The following SLIT2 variants were observed in gnomAD, a reference collection of about 807,000 sequenced individuals.
SLIT2 encodes slit homolog 2 protein.
Under a neutral mutation model 185.7 loss-of-function variants are expected in SLIT2, and 41 were observed. The ratio of observed to expected loss-of-function variants is 0.22; its 90% CI spans 0.17 to 0.29. The LOEUF (loss-of-function observed/expected upper bound fraction) is 0.29, where lower values mean the gene tolerates loss of function less well. Among genes scored for constraint, SLIT2 ranks in the 10% least tolerant of loss-of-function variants. SLIT2 has a pLI of 1.00. For missense variants in SLIT2, 1,571 were observed against 1,909.0 expected (o/e 0.82, Z 3.30); for synonymous variants, 693 against 680.2 (o/e 1.02, Z -0.29).
chr4:20,252,797 A>G lies in SLIT2; in HGVS notation c.-1019A>G, dbSNP rs1037938571. 7.3e-5 allele frequency among the ~76,000 whole-genome samples: 11 copies of G among 150,090 alleles called. No individual in the cohort carries two copies. Among genetic ancestry groups the G allele is most frequent in the Admixed American group, 4.6e-4 (7 of 15,100 alleles). ...ACCGAGCCATTCTCCAGTACGCCCC[A>G]GCAGGACGCTGACACCTCCAACCTT... On this transcript the variant is annotated 5_prime_UTR_variant, in exon 1 of 37. Coordinates refer to ENST00000504154, the MANE Select transcript of SLIT2 (RefSeq NM_004787.4).
At chr4:20,467,636 C>T (rs1714502754) in intron 4 of SLIT2, 116 bp from the exon 5 acceptor site, 1 of 533,678 alleles carries the variant, frequency 1.9e-6, no homozygotes, top group African/African-American at 2.0e-5. Context: ...TAATTATGAT[C>T]CTTTTAGGGT....
chr4:20,486,032 A>G (rs1431790708), intron 6 of SLIT2, among the ~76,000 whole-genome samples, 168 bp from the exon 7 acceptor site: 1 of 152,210 alleles, frequency 6.6e-6, no homozygotes, highest in Non-Finnish European at 1.5e-5. Flanking sequence ...ATGTTAAATT[A>G]TGAAATTATT....
chr4:20,522,914 T>C (rs1240585835), intron 12 of SLIT2, among the ~76,000 whole-genome samples: 2 of 152,002 alleles, frequency 1.3e-5, no homozygotes, highest in African/African-American at 2.4e-5. Context: ...GGCAGGCATA[T>C]AGATGACAGT....
intron 31 of SLIT2, 25 bp from the exon 32 acceptor site, chr4:20,596,390 A>ATT: frequency 6.3e-7 from 1 of 1,595,260 alleles, no homozygotes; most frequent in Non-Finnish European, 8.6e-7. Context: ...GTATTAACTA[A>ATT]TTTTTTTTTC....
chr4:20,609,580 G>C (rs1729050270), intron 33 of SLIT2, among the ~76,000 whole-genome samples: 1 of 152,182 alleles, frequency 6.6e-6, no homozygotes, highest in African/African-American at 2.4e-5. Flanking sequence ...GCAGAAGCCA[G>C]CAGTTGCCTA....
At chr4:20,282,148 A>G (rs753737463) in intron 4 of SLIT2, among the ~76,000 whole-genome samples, 20 of 152,212 alleles carry the variant, frequency 1.3e-4, no homozygotes, top group Non-Finnish European at 2.4e-4. Context: ...TTTTATTCAG[A>G]TGGACAAATG....
chr4:20,417,436 G>GTGTATGTATATATATATATATA (rs1553898364), intron 4 of SLIT2, among the ~76,000 whole-genome samples: 1 of 123,678 alleles, frequency 8.1e-6, no homozygotes, highest in Non-Finnish European at 1.8e-5. Flanking sequence ...ATGTGTGTGT[G>GTGTATGTATATATATATATATA]TATATATATA....
chr4:20,512,575 G>C (rs1036006796), intron 11 of SLIT2, among the ~76,000 whole-genome samples: 1 of 152,100 alleles, frequency 6.6e-6, no homozygotes, highest in Non-Finnish European at 1.5e-5. Context: ...GTACTGTCAG[G>C]TTCTAAAGTA....
At chr4:20,320,635 T>C (rs1170716083) in intron 4 of SLIT2, among the ~76,000 whole-genome samples, 1 of 152,116 alleles carries the variant, frequency 6.6e-6, no homozygotes, top group African/African-American at 2.4e-5. Context: ...CTCATCCCTG[T>C]TTTGTCACTT....
At chr4:20,603,183 A>G (rs1728535565) in intron 33 of SLIT2, among the ~76,000 whole-genome samples, 1 of 152,184 alleles carries the variant, frequency 6.6e-6, no homozygotes, top group South Asian at 2.1e-4. Context: ...ATGGTGGCAG[A>G]CAAGAGAGAA....
intron 25 of SLIT2, among the ~76,000 whole-genome samples, chr4:20,552,098 C>T (rs1387905245): frequency 6.6e-6 from 1 of 152,138 alleles, no homozygotes; most frequent in Non-Finnish European, 1.5e-5. Context: ...CCTTTACAAA[C>T]TCCATGGCTG....
chr4:20,569,536 A>G (rs1310068702), intron 29 of SLIT2, among the ~76,000 whole-genome samples: 9 of 151,978 alleles, frequency 5.9e-5, no homozygotes, highest in Non-Finnish European at 1.0e-4. Context: ...GTTTCTTTGG[A>G]TGACACATCT....
chr4:20,562,266 T>C (rs1424979343), intron 26 of SLIT2, among the ~76,000 whole-genome samples: 1 of 151,750 alleles, frequency 6.6e-6, no homozygotes, highest in Non-Finnish European at 1.5e-5. Context: ...CCACTTCTCC[T>C]TCCTCTACAA....
At chr4:20,274,103 T>C (rs1320151146) in intron 4 of SLIT2, among the ~76,000 whole-genome samples, 1 of 152,236 alleles carries the variant, frequency 6.6e-6, no homozygotes, top group East Asian at 1.9e-4. Context: ...GTCTGTGTTC[T>C]AATTTGGTGT....
intron 4 of SLIT2, among the ~76,000 whole-genome samples, chr4:20,335,909 T>C (rs1720460342): frequency 2.0e-5 from 1 of 49,244 alleles, no homozygotes; most frequent in Non-Finnish European, 4.1e-5. Flanking sequence ...TGGTATACCT[T>C]TAGGTAATTT....
At chr4:20,309,443 T>A (rs992287073) in intron 4 of SLIT2, among the ~76,000 whole-genome samples, 1 of 152,024 alleles carries the variant, frequency 6.6e-6, no homozygotes, top group African/African-American at 2.4e-5. Context: ...CACCAATTAT[T>A]TTCATTTCTC....
chr4:20,595,650 A>G, intron 30 of SLIT2, 47 bp from the exon 31 acceptor site: 1 of 1,605,598 alleles, frequency 6.2e-7, no homozygotes, highest in Non-Finnish European at 8.5e-7. Context: ...TTGTTTACTT[A>G]TTTTGGCTCA....
At position 20,548,345 on chromosome 4, in the gene SLIT2, C is replaced by T. The variant is rs553344706; in HGVS notation, c.2346-143C>T. On this transcript the variant is annotated intron_variant, in intron 22 of 36. Coordinates refer to ENST00000504154, the MANE Select transcript of SLIT2 (RefSeq NM_004787.4). ...AACATTGCAATCTACTCCAGTGGGT[C>T]GTTCACTGTTTTATTGTTTTCAGAT... 29 of 588,042 alleles carry T rather than the reference C, an allele frequency of 4.9e-5. No homozygotes were observed. The East Asian group carries it at 5.6e-4, about 11-fold the overall frequency. The allele number at this position is 588,042 out of a possible 1,614,324, so 36.4% of individuals were successfully genotyped here. A position where few individuals can be genotyped will look rare whatever the true frequency, so the allele number is the denominator to read the frequency against.
chr4:20,339,035 G>T (rs1333248748), intron 4 of SLIT2, among the ~76,000 whole-genome samples: 9 of 147,580 alleles, frequency 6.1e-5, no homozygotes, highest in Admixed American at 5.5e-4. Context: ...TGAGCTTATG[G>T]TGAGGTATGA....
Sources: gnomAD v4.1 joint callset for allele counts (sites outside exome capture counted in the v4.1 genomes callset) on GRCh38, gnomAD v4.1.1 for gene constraint, MANE v1.5 for transcripts, NCBI Gene and HGNC (gene_info 2026-07-23, HGNC 2026-07-21) for gene names.